NBEA: variants seen among roughly 807,000 people sequenced by gnomAD.
NBEA encodes lysosomal-trafficking regulator 2.
Under a neutral mutation model 343.4 loss-of-function variants are expected in NBEA, and 44 were observed. The ratio of observed to expected loss-of-function variants is 0.13; its 90% CI spans 0.10 to 0.16. The LOEUF (loss-of-function observed/expected upper bound fraction) is 0.16. NBEA is among the 10% of genes least tolerant of loss of function. The pLI is 1.00. For missense variants in NBEA, 2,555 were observed against 3,631.3 expected (o/e 0.70, Z 7.62); for synonymous variants, 1,175 against 1,238.7 (o/e 0.95, Z 1.08).
chr13:35,214,084 T>C (rs1385583683), intron 33 of NBEA, among the ~76,000 whole-genome samples: 1 of 151,996 alleles, frequency 6.6e-6, no homozygotes, highest in Non-Finnish European at 1.5e-5. Flanking sequence ...GAGTAGTCTA[T>C]TCCTTTTTAT....
At chr13:35,179,808 T>A in intron 28 of NBEA, 1 of 984,186 alleles carries the variant, frequency 1.0e-6, no homozygotes. Flanking sequence ...GTTGGTATCT[T>A]TTCTTAATCT....
intron 48 of NBEA, among the ~76,000 whole-genome samples, chr13:35,621,067 G>A (rs1308852860): frequency 6.6e-6 from 1 of 152,142 alleles, no homozygotes; most frequent in Non-Finnish European, 1.5e-5. Flanking sequence ...TTTATCCTCC[G>A]CTAGACTGTA....
At chr13:35,113,316 C>T (rs2066309231) in intron 13 of NBEA, among the ~76,000 whole-genome samples, 1 of 152,060 alleles carries the variant, frequency 6.6e-6, no homozygotes, top group South Asian at 2.1e-4. Context: ...GTGATGTTAA[C>T]TTTAAACATT....
chr13:34,969,992 A>G (rs1457669593), intron 1 of NBEA, among the ~76,000 whole-genome samples: 2 of 152,146 alleles, frequency 1.3e-5, no homozygotes, highest in Non-Finnish European at 2.9e-5. Context: ...ACAATGGTTG[A>G]GCTAATCTGC....
intron 41 of NBEA, among the ~76,000 whole-genome samples, chr13:35,492,457 C>A (rs997248031): frequency 6.6e-6 from 1 of 151,698 alleles, no homozygotes; most frequent in Non-Finnish European, 1.5e-5. Flanking sequence ...GAGAAAGAAG[C>A]CATAGAGGAG....
At chr13:34,988,053 A>T (rs989946435) in intron 1 of NBEA, among the ~76,000 whole-genome samples, 1 of 151,044 alleles carries the variant, frequency 6.6e-6, no homozygotes, top group South Asian at 2.1e-4. Flanking sequence ...GGGAGATGCT[A>T]TCCTTTGGAG....
intron 37 of NBEA, among the ~76,000 whole-genome samples, chr13:35,351,754 A>G (rs1369963762): frequency 6.6e-6 from 1 of 152,060 alleles, no homozygotes; most frequent in South Asian, 2.1e-4. Flanking sequence ...AATGGAAAAT[A>G]TAAATTAAAT....
intron 1 of NBEA, among the ~76,000 whole-genome samples, chr13:34,989,916 A>G (rs1294140707): frequency 6.6e-6 from 1 of 151,040 alleles, no homozygotes; most frequent in African/African-American, 2.4e-5. Context: ...GGCCAAAACA[A>G]AGGGGTTACA....
At chr13:35,449,507 G>C (rs913974665) in intron 39 of NBEA, among the ~76,000 whole-genome samples, 8 of 152,204 alleles carry the variant, frequency 5.3e-5, no homozygotes, top group Non-Finnish European at 2.9e-5. Flanking sequence ...GCAAAGTCCA[G>C]AAATATAGCT....
chr13:35,595,958 C>T (rs2081777830), intron 47 of NBEA, among the ~76,000 whole-genome samples: 1 of 152,034 alleles, frequency 6.6e-6, no homozygotes, highest in Non-Finnish European at 1.5e-5. Context: ...ATCTATTGCT[C>T]ATTTTTCAGT....
At chr13:35,211,602 G>A (rs928467562) in intron 33 of NBEA, among the ~76,000 whole-genome samples, 2 of 151,850 alleles carry the variant, frequency 1.3e-5, no homozygotes, top group African/African-American at 4.8e-5. Context: ...ATCACTTGAG[G>A]CCAGAAGTTG....
intron 45 of NBEA, among the ~76,000 whole-genome samples, chr13:35,568,959 A>T (rs555018834): frequency 6.6e-6 from 1 of 152,260 alleles, no homozygotes; most frequent in East Asian, 1.9e-4. Context: ...TCTTTGTCTT[A>T]ATTTCCTCAC....
intron 41 of NBEA, among the ~76,000 whole-genome samples, chr13:35,496,062 CAAGT>C (rs2152976713): frequency 6.6e-6 from 1 of 151,962 alleles, no homozygotes; most frequent in African/African-American, 2.4e-5. Context: ...CCAGAGGACA[CAAGT>C]AAGATAATTG....
Position 35,153,462 on chromosome 13 carries a change from G to A in NBEA, c.2446-2312G>A, listed in dbSNP as rs998826686. Reference sequence around the variant, plus strand: ...AGTTGCACCTAGCAATGTATTTTCAGTCTGCAAACATTTAGCAGAGGGAGG... The same window carrying A: ...AGTTGCACCTAGCAATGTATTTTCAATCTGCAAACATTTAGCAGAGGGAGG... On this transcript the variant is annotated intron_variant, in intron 18 of 58. Transcript: ENST00000379939. Among the ~76,000 whole-genome samples the A allele has an allele frequency of 5.3e-5, 8 of 152,262 alleles. No homozygotes were observed. In the South Asian group the frequency reaches 6.2e-4, roughly 12 times the overall value.
chr13:35,567,034 T>C lies in NBEA; in HGVS notation c.7035+17T>C, dbSNP rs780488826. The stretch of plus-strand genomic sequence containing the variant: ...CTATCAAAGGTAACTTTTAAATATA[T>C]AGAAGTCAGCTTTCTTCATAAGGCT... On this transcript the variant is annotated intron_variant, in intron 45 of 58. Transcript: ENST00000379939. 1.5e-6 allele frequency: 2 copies of C among 1,371,988 alleles called. No individual in the cohort carries two copies. The highest frequency in any genetic ancestry group is 3.4e-5 in the Admixed American group (2 of 57,992). 85.0% of individuals were successfully genotyped at this position (1,371,988 alleles called of 1,614,324 possible).
In NBEA at chr13:35,504,164, T is replaced by A. The variant is rs183726181; in HGVS notation, c.6585+31628T>A. 6.0e-4 allele frequency among the ~76,000 whole-genome samples: 91 copies of A among 152,308 alleles called. 1 individual carries two copies. Among genetic ancestry groups the A allele is most frequent in the South Asian group, 8.3e-4 (4 of 4,832 alleles). ...TTGTTTTAGAGGAAACATTTTGGAT[T>A]TTAAAACCAGAATGTGGAGTATCCC... is the stretch of plus-strand genomic sequence containing the variant. On this transcript the variant is annotated intron_variant, in intron 41 of 58. Coordinates refer to ENST00000379939, the MANE Select transcript of NBEA (RefSeq NM_001385012.1).
chr13:35,623,717 G>A (rs2083099297), intron 48 of NBEA, among the ~76,000 whole-genome samples: 5 of 152,008 alleles, frequency 3.3e-5, no homozygotes, highest in Admixed American at 3.3e-4. Context: ...GATGAATACT[G>A]AGAAAAATAT....
intron 37 of NBEA, 35 bp from the exon 38 acceptor site, chr13:35,352,122 G>C (rs770379078): frequency 3.8e-6 from 5 of 1,318,166 alleles, no homozygotes; most frequent in African/African-American, 1.5e-5. Context: ...GCAGTAAAAA[G>C]TTTATTATTA....
chr13:35,563,038 A>G (rs1256996232), intron 44 of NBEA, among the ~76,000 whole-genome samples: 1 of 151,966 alleles, frequency 6.6e-6, no homozygotes, highest in Non-Finnish European at 1.5e-5. Context: ...TGAGTAGATT[A>G]GTGTCATAGG....
Sources: allele counts gnomAD v4.1 joint callset (sites outside exome capture counted in the v4.1 genomes callset), GRCh38; gene constraint gnomAD v4.1.1; transcripts MANE v1.5; gene names NCBI Gene and HGNC (gene_info 2026-07-23, HGNC 2026-07-21).